CDKL4: variants seen among roughly 807,000 people sequenced by gnomAD.
The protein encoded by CDKL4 is cyclin dependent kinase like 4.
CDKL4 carries 44 observed loss-of-function variants against 42.0 expected under a neutral mutation model. That is an observed-to-expected ratio of 1.05 (90% CI 0.82 to 1.35). The LOEUF (loss-of-function observed/expected upper bound fraction) is 1.35. Ranked by LOEUF, CDKL4 falls within the 40% of genes most tolerant of loss-of-function variation. The pLI, the probability that CDKL4 is intolerant of heterozygous loss-of-function variation, is 0.00. For synonymous variants in CDKL4, 120 were observed against 121.6 expected, an observed-to-expected ratio of 0.99 and a Z score of 0.09; for missense variants, 393 against 369.9, an observed-to-expected ratio of 1.06 and a Z score of -0.51.
intron 1 of CDKL4, among the ~76,000 whole-genome samples, chr2:39,230,888 T>C (rs1679059070): frequency 6.6e-6 from 1 of 152,144 alleles, no homozygotes. Flanking sequence ...ATCACTACAT[T>C]ACACAGCCTC....
intron 3 of CDKL4, among the ~76,000 whole-genome samples, chr2:39,224,913 G>C (rs1424747986): frequency 6.6e-6 from 1 of 152,144 alleles, no homozygotes; most frequent in African/African-American, 2.4e-5. Context: ...TCTTTAGGTG[G>C]TTCTCTTAGA....
intron 5 of CDKL4, among the ~76,000 whole-genome samples, chr2:39,200,297 C>G (rs781056053): frequency 6.6e-5 from 10 of 152,068 alleles, no homozygotes; most frequent in Admixed American, 5.9e-4. Flanking sequence ...TGAAAGACCT[C>G]TACAAGGAAA....
At chr2:39,212,969 T>C (rs1223977102) in intron 4 of CDKL4, among the ~76,000 whole-genome samples, 1 of 151,890 alleles carries the variant, frequency 6.6e-6, no homozygotes, top group Non-Finnish European at 1.5e-5. Context: ...CCCTGAAAAA[T>C]TATTCTCGCC....
intron 5 of CDKL4, among the ~76,000 whole-genome samples, chr2:39,195,378 A>G (rs1676445072): frequency 1.3e-5 from 2 of 152,200 alleles, no homozygotes; most frequent in Non-Finnish European, 2.9e-5. Flanking sequence ...AAGAGCTGCC[A>G]TACTGCTTTC....
intron 8 of CDKL4, among the ~76,000 whole-genome samples, chr2:39,182,372 AC>A (rs1675488830): frequency 6.6e-6 from 1 of 152,206 alleles, no homozygotes; most frequent in African/African-American, 2.4e-5. Flanking sequence ...ATTTTAAAGA[AC>A]ATTTTTAGAT....
At chr2:39,195,944 C>A (rs923539750) in intron 5 of CDKL4, among the ~76,000 whole-genome samples, 1 of 152,146 alleles carries the variant, frequency 6.6e-6, no homozygotes, top group African/African-American at 2.4e-5. Context: ...AACTTTTGCT[C>A]CAAGAACTAC....
chr2:39,239,368 C>G (rs1558589941), intron 1 of CDKL4, among the ~76,000 whole-genome samples: 1 of 152,008 alleles, frequency 6.6e-6, no homozygotes, highest in African/African-American at 2.4e-5. Context: ...AATTTATCAA[C>G]ATTAAAATCT....
In CDKL4 at chr2:39,240,677, TAAAAAAAAAAAAA is replaced by T. The variant is rs768356807; in HGVS notation, c.-57+3181_-57+3193del. ...AACTTGCTATAATGTAGATGAACATTAAAAAAAAAAAAAAAAAAGAAAAAAGAACCACATGCCC... is the reference window on the plus strand; with the variant it reads ...AACTTGCTATAATGTAGATGAACATTAAAAAGAAAAAAGAACCACATGCCC... On this transcript the variant is annotated intron_variant, in intron 1 of 9. Transcript: ENST00000451199. Among the ~76,000 whole-genome samples, 3 of 87,914 alleles carry T rather than the reference TAAAAAAAAAAAAA, an allele frequency of 3.4e-5. 1 individual carries two copies. The East Asian group carries it at 9.0e-4, about 26-fold the overall frequency. The allele number at this position is 87,914 out of a possible 152,430, so 57.7% of individuals were successfully genotyped here. A position where few individuals can be genotyped will look rare whatever the true frequency, so the allele number is the denominator to read the frequency against.
At chr2:39,176,699 G>T (rs1345012376) in intron 9 of CDKL4, among the ~76,000 whole-genome samples, 1 of 152,172 alleles carries the variant, frequency 6.6e-6, no homozygotes, top group Non-Finnish European at 1.5e-5. Flanking sequence ...CTTCCAAAAT[G>T]CTGGGATTAC....
At chr2:39,187,820 C>G (rs1175683703) in intron 6 of CDKL4, 111 bp from the exon 7 acceptor site, 1 of 692,060 alleles carries the variant, frequency 1.4e-6, no homozygotes, top group East Asian at 2.8e-5. Flanking sequence ...GTAATTCCAG[C>G]ACTTTGAGAG....
intron 5 of CDKL4, among the ~76,000 whole-genome samples, chr2:39,194,755 C>G (rs1441603778): frequency 6.6e-6 from 1 of 152,040 alleles, no homozygotes; most frequent in Non-Finnish European, 1.5e-5. Context: ...TTTTATCTCT[C>G]TGTGTATATC....
At chr2:39,177,276 TCGAGG>T (rs1675204652) in intron 9 of CDKL4, among the ~76,000 whole-genome samples, 1 of 151,610 alleles carries the variant, frequency 6.6e-6, no homozygotes, top group South Asian at 2.1e-4. Context: ...CCCAACCCCG[TCGAGG>T]CGAGGCAAGG....
intron 8 of CDKL4, among the ~76,000 whole-genome samples, chr2:39,182,552 G>C (rs966657643): frequency 2.2e-4 from 34 of 152,164 alleles, no homozygotes; most frequent in African/African-American, 8.0e-4. Flanking sequence ...GAATTAATCA[G>C]AGGTGTTCCC....
At chr2:39,204,680 T>C (rs1438563714) in intron 4 of CDKL4, 63 bp from the exon 5 acceptor site, 2 of 878,136 alleles carry the variant, frequency 2.3e-6, no homozygotes, top group Non-Finnish European at 1.8e-6. Flanking sequence ...AAACATTAAC[T>C]ACTAGTTTAA....
At chr2:39,244,276 G>T (rs1679811901), upstream of CDKL4, among the ~76,000 whole-genome samples, 1 of 152,264 alleles carries the variant, frequency 6.6e-6, no homozygotes, top group African/African-American at 2.4e-5. Context: ...GCTGTGGAGG[G>T]AGAGGCGCGA....
downstream of CDKL4, among the ~76,000 whole-genome samples, chr2:39,172,037 A>G (rs994130598): frequency 6.6e-6 from 1 of 152,160 alleles, no homozygotes. Flanking sequence ...CAGGCTGGGC[A>G]TGGTGGTTCA....
intron 1 of CDKL4, among the ~76,000 whole-genome samples, chr2:39,232,259 C>T (rs1858216): frequency 0.041 from 6,244 of 152,152 alleles, 438 homozygotes; most frequent in African/African-American, 0.14. Flanking sequence ...TTTTCAAAAG[C>T]CCTACTATAT....
chr2:39,176,973 A>C (rs1675192023), intron 9 of CDKL4, among the ~76,000 whole-genome samples: 1 of 152,018 alleles, frequency 6.6e-6, no homozygotes, highest in South Asian at 2.1e-4. Context: ...ACCTCACTTG[A>C]AGGAGAGAGC....
chr2:39,197,080 A>G (rs1453654532), intron 5 of CDKL4, among the ~76,000 whole-genome samples: 1 of 152,220 alleles, frequency 6.6e-6, no homozygotes, highest in Non-Finnish European at 1.5e-5. Flanking sequence ...TAAAAAAATG[A>G]TACAGGATAT....
Sources: allele counts gnomAD v4.1 joint callset (sites outside exome capture counted in the v4.1 genomes callset), GRCh38; gene constraint gnomAD v4.1.1; transcripts MANE v1.5; gene names NCBI Gene and HGNC (gene_info 2026-07-23, HGNC 2026-07-21).